SSBP2: variants seen among roughly 807,000 people sequenced by gnomAD.
SSBP2 encodes the protein single stranded DNA binding protein 2, also known as single-stranded DNA-binding protein 2.
A neutral mutation model predicts 61.8 loss-of-function variants in SSBP2; 17 were observed. The ratio of observed to expected loss-of-function variants is 0.28; its 90% CI spans 0.19 to 0.41. SSBP2 has a LOEUF of 0.41. SSBP2 is among the 10% of genes least tolerant of loss of function. SSBP2 has a pLI of 1.00. For missense variants in SSBP2, 310 were observed against 458.7 expected (o/e 0.68, Z 2.96); for synonymous variants, 139 against 141.3 (o/e 0.98, Z 0.12).
intron 4 of SSBP2, among the ~76,000 whole-genome samples, chr5:81,527,965 G>GA (rs1770088287): frequency 6.7e-6 from 1 of 149,180 alleles, no homozygotes; most frequent in Non-Finnish European, 1.5e-5. Flanking sequence ...CTGTATTACA[G>GA]AAAAAACAAT....
At chr5:81,597,246 C>G (rs1000459391) in intron 4 of SSBP2, among the ~76,000 whole-genome samples, 6 of 152,104 alleles carry the variant, frequency 3.9e-5, no homozygotes, top group South Asian at 2.1e-4. Context: ...GCAGCCAAAA[C>G]ACACATGAAA....
chr5:81,497,306 G>A lies in SSBP2; in HGVS notation c.373-7997C>T, dbSNP rs546839641. On this transcript the variant is annotated intron_variant, in intron 5 of 16. Coordinates refer to ENST00000320672, the MANE Select transcript of SSBP2 (RefSeq NM_012446.5). Reference sequence around the variant, plus strand: ...AGATGTTCATTATAATGTGGTTCATGAAGAATGGAAGAAAGCAGCTAGCAC... The same window carrying A: ...AGATGTTCATTATAATGTGGTTCATAAAGAATGGAAGAAAGCAGCTAGCAC... Among the ~76,000 whole-genome samples, 191 of 152,242 alleles carry A rather than the reference G, an allele frequency of 1.3e-3. 1 individual carries two copies. Among genetic ancestry groups the A allele is most frequent in the Non-Finnish European group, 2.1e-3 (143 of 68,000 alleles).
In SSBP2 at chr5:81,578,079, G is replaced by A. The variant is rs139822113; in HGVS notation, c.282+37394C>T. 4.5e-3 allele frequency among the ~76,000 whole-genome samples: 683 copies of A among 152,088 alleles called. 6 individuals are homozygous for A. Among genetic ancestry groups the A allele is most frequent in the African/African-American group, 0.015 (638 of 41,532 alleles). The stretch of plus-strand genomic sequence containing the variant: ...AAATGGTTCAGCTGGGATTTAAACC[G>A]AGGTAGATAGAGCAAAAGCACACTC... On this transcript the variant is annotated intron_variant, in intron 4 of 16. Transcript: ENST00000320672.
chr5:81,729,976 T>G (rs1166886114), intron 1 of SSBP2, among the ~76,000 whole-genome samples: 1 of 152,164 alleles, frequency 6.6e-6, no homozygotes, highest in Non-Finnish European at 1.5e-5. Flanking sequence ...GATTGACCCT[T>G]AATTATTAAT....
chr5:81,654,410 G>A (rs1750031741), intron 1 of SSBP2, among the ~76,000 whole-genome samples: 1 of 152,172 alleles, frequency 6.6e-6, no homozygotes, highest in Admixed American at 6.5e-5. Flanking sequence ...GTGTCAAATA[G>A]GAAGAATAGT....
chr5:81,548,305 A>C (rs1771902204), intron 4 of SSBP2, among the ~76,000 whole-genome samples: 1 of 152,198 alleles, frequency 6.6e-6, no homozygotes, highest in Non-Finnish European at 1.5e-5. Context: ...CATTGATCAT[A>C]ACGAATGTAC....
rs956000295 is a variant in SSBP2 at position 81,418,885 on chromosome 5, C to T, written c.*1619G>A. 3.9e-5 allele frequency: 6 copies of T among 152,094 alleles called. No homozygotes were observed. Among genetic ancestry groups the T allele is most frequent in the Admixed American group, 3.3e-4 (5 of 15,268 alleles). 9.4% of individuals were successfully genotyped at this position (152,094 alleles called of 1,614,324 possible). A position where few individuals can be genotyped will look rare whatever the true frequency, so the allele number is the denominator to read the frequency against. On this transcript the variant is annotated 3_prime_UTR_variant, in exon 17 of 17. Coordinates refer to ENST00000320672, the MANE Select transcript of SSBP2 (RefSeq NM_012446.5). ...AATTTTCACTTTAGAGACTATAAGC[C>T]TAAAGGAAAGAGAAGATTCCTCTTA...
intron 1 of SSBP2, among the ~76,000 whole-genome samples, chr5:81,685,558 G>A (rs1481937162): frequency 6.6e-6 from 1 of 152,076 alleles, no homozygotes; most frequent in Non-Finnish European, 1.5e-5. Context: ...TTAAAAAGAA[G>A]TTGCCCTACT....
At chr5:81,619,615 C>A (rs1042203677) in intron 3 of SSBP2, among the ~76,000 whole-genome samples, 1 of 146,618 alleles carries the variant, frequency 6.8e-6, no homozygotes, top group Admixed American at 6.8e-5. Context: ...GGGCCAGCAT[C>A]ATTCTGATAC....
intron 5 of SSBP2, among the ~76,000 whole-genome samples, chr5:81,511,944 G>C (rs1044739751): frequency 1.3e-5 from 2 of 151,976 alleles, no homozygotes; most frequent in East Asian, 1.9e-4. Context: ...GGCAAACGGA[G>C]AACAGTTCAT....
chr5:81,502,703 T>C (rs1254047794), intron 5 of SSBP2, among the ~76,000 whole-genome samples: 1 of 152,218 alleles, frequency 6.6e-6, no homozygotes, highest in African/African-American at 2.4e-5. Context: ...ATCAACTCCA[T>C]TCTTCCAGCT....
intron 4 of SSBP2, among the ~76,000 whole-genome samples, chr5:81,546,303 C>T (rs1392901333): frequency 6.6e-6 from 1 of 152,164 alleles, no homozygotes; most frequent in Non-Finnish European, 1.5e-5. Context: ...AATTCCAAAG[C>T]TTGTATTCTT....
intron 1 of SSBP2, among the ~76,000 whole-genome samples, chr5:81,685,618 C>CA (rs1444324865): frequency 6.6e-6 from 1 of 152,154 alleles, no homozygotes; most frequent in Non-Finnish European, 1.5e-5. Context: ...GTAGCACCTG[C>CA]AGATGGGCTA....
chr5:81,692,519 A>AT (rs1290001194), intron 1 of SSBP2, among the ~76,000 whole-genome samples: 1 of 152,222 alleles, frequency 6.6e-6, no homozygotes, highest in African/African-American at 2.4e-5. Flanking sequence ...TAATATTTAT[A>AT]TAGAACCACA....
chr5:81,565,595 T>C (rs10942269), intron 4 of SSBP2, among the ~76,000 whole-genome samples: 71,087 of 151,946 alleles, frequency 0.47, 21,203 homozygotes, highest in African/African-American at 0.86. Flanking sequence ...TGACACGGTA[T>C]ACATACTTCC....
chr5:81,587,784 CTA>C (rs1434377693), intron 4 of SSBP2, among the ~76,000 whole-genome samples: 2 of 151,162 alleles, frequency 1.3e-5, no homozygotes, highest in African/African-American at 4.9e-5. Context: ...CACACACACA[CTA>C]ATGCTTGAAA....
intron 6 of SSBP2, among the ~76,000 whole-genome samples, chr5:81,488,085 TACAC>T (rs1280547601): frequency 7.9e-6 from 1 of 126,434 alleles, no homozygotes; most frequent in Non-Finnish European, 1.8e-5. Context: ...ATTATATATA[TACAC>T]ACACACACCA....
At chr5:81,486,887 C>CA (rs1465007831) in intron 6 of SSBP2, among the ~76,000 whole-genome samples, 4 of 152,182 alleles carry the variant, frequency 2.6e-5, no homozygotes, top group African/African-American at 9.6e-5. Flanking sequence ...GCTTCCTACT[C>CA]AAAGTTCTCC....
intron 1 of SSBP2, among the ~76,000 whole-genome samples, chr5:81,738,614 G>A (rs1756785514): frequency 1.3e-5 from 2 of 152,072 alleles, no homozygotes; most frequent in Admixed American, 6.5e-5. Flanking sequence ...CAAAGTCTGT[G>A]ACTAAAACTT....
Sources: gnomAD v4.1 joint callset for allele counts (sites outside exome capture counted in the v4.1 genomes callset) on GRCh38, gnomAD v4.1.1 for gene constraint, MANE v1.5 for transcripts, NCBI Gene and HGNC (gene_info 2026-07-23, HGNC 2026-07-21) for gene names.